Variants in C6orf58 observed in about 807,000 individuals in gnomAD.
C6orf58 encodes the protein protein LEG1 homolog.
Under a neutral mutation model 37.0 loss-of-function variants are expected in C6orf58, and 30 were observed. The observed-to-expected ratio is 0.81, with a 90% CI of 0.61 to 1.10. The LOEUF is 1.10. C6orf58 is among the 50% of genes least tolerant of loss of function. The probability of loss-of-function intolerance (pLI) is 0.00; values close to 1 mark genes in which losing one functional copy is unlikely to be tolerated. For synonymous variants in C6orf58, 143 were observed against 134.1 expected (o/e 1.07, Z -0.46); for missense variants, 368 against 387.5 (o/e 0.95, Z 0.42).
In C6orf58 at chr6:127,582,426, A is replaced by C. The variant is rs139247937; in HGVS notation, c.674+1144A>C. The stretch of plus-strand genomic sequence containing the variant: ...CAATTGGCTTGTTTGTTGATTTCTT[A>C]CAACTGAGCTTCTACCCTACCTGAT... On this transcript the variant is annotated intron_variant, in intron 4 of 5. Coordinates refer to ENST00000329722, the MANE Select transcript of C6orf58 (RefSeq NM_001010905.3). Among the ~76,000 whole-genome samples, 77 of 152,312 alleles carry C rather than the reference A, an allele frequency of 5.1e-4. No individual in the cohort carries two copies. In the East Asian group the frequency reaches 0.012, roughly 24 times the overall value.
At chr6:127,578,801 A>G in intron 2 of C6orf58, 29 bp downstream of exon 2, 1 of 1,502,450 alleles carries the variant, frequency 6.7e-7, no homozygotes, top group Non-Finnish European at 9.3e-7. Flanking sequence ...CAAAATAGAT[A>G]TTAACCTTTC....
chr6:127,580,480 A>G lies in C6orf58; in HGVS notation c.573+31A>G, dbSNP rs750320447. On this transcript the variant is annotated intron_variant, in intron 3 of 5. Coordinates refer to ENST00000329722, the MANE Select transcript of C6orf58 (RefSeq NM_001010905.3). ...TTCTTTATACTCTTACGAGATAGGA[A>G]GAGAGTTTATTTTGTCATATAATTT... The G allele has an allele frequency of 4.6e-6, 7 of 1,531,088 alleles. No individual in the cohort carries two copies. The South Asian group carries it at 5.8e-5, about 13-fold the overall frequency. 94.8% of individuals were successfully genotyped at this position (1,531,088 alleles called of 1,614,324 possible).
Position 127,581,243 on chromosome 6 carries a change from C to A in C6orf58, c.635C>A (p.Thr212Asn), listed in dbSNP as rs1775046960. 3 of 1,533,938 alleles carry A rather than the reference C, an allele frequency of 2.0e-6. No homozygotes were observed. Among genetic ancestry groups the A allele is most frequent in the Non-Finnish European group, 2.6e-6 (3 of 1,136,016 alleles). Residue 212 changes from threonine (T) to asparagine (N), a missense_variant, in exon 4 of 6, where the codon ACT becomes AAT. Thr to Asn is a moderately conservative substitution (Grantham distance 65). Transcript: ENST00000329722. ...TTGAAGTACTTATGGGCTGCACACA[C>A]TTCAACCTTGGCAGATAATATCAAA... The part of the protein sequence containing the change: ...DLLKYLWAAH[T>N]STLADNIKSF...
intron 2 of C6orf58, 100 bp from the exon 3 acceptor site, chr6:127,580,165 C>G: frequency 2.5e-6 from 2 of 813,930 alleles, no homozygotes; most frequent in South Asian, 2.0e-5. Context: ...TATAATGTTT[C>G]TGGGTCTGTG....
intron 4 of C6orf58, among the ~76,000 whole-genome samples, chr6:127,585,704 T>C (rs888455957): frequency 2.6e-5 from 4 of 152,238 alleles, no homozygotes; most frequent in Non-Finnish European, 5.9e-5. Flanking sequence ...TGCATCAGTG[T>C]ACCTTTGATA....
At chr6:127,590,611 C>T (rs913888418) in intron 5 of C6orf58, among the ~76,000 whole-genome samples, 4 of 151,666 alleles carry the variant, frequency 2.6e-5, no homozygotes, top group African/African-American at 9.7e-5. Context: ...GTTCTACATA[C>T]CGATATATAT....
chr6:127,582,345 C>A (rs1775058741), intron 4 of C6orf58, among the ~76,000 whole-genome samples: 1 of 152,074 alleles, frequency 6.6e-6, no homozygotes, highest in African/African-American at 2.4e-5. Context: ...TGAATTGAAC[C>A]AACATAAATC....
In C6orf58 at chr6:127,580,440, C is replaced by T. The variant is rs759974482; in HGVS notation, c.564C>T (p.Thr188=). Residue 188 remains threonine (T), a synonymous_variant, in exon 3 of 6, where the codon ACC becomes ACT. Transcript: ENST00000329722. ...CTGAGACAATGAACAAGTGGAACACCTTTTACCAGGTTCCTTCTTTATACT... is the reference window on the plus strand; with the variant it reads ...CTGAGACAATGAACAAGTGGAACACTTTTTACCAGGTTCCTTCTTTATACT... ...SFPETMNKWN[T]FYQYLQSPFS... is the part of the protein sequence containing the mutation. The T allele has an allele frequency of 6.2e-7, 1 of 1,610,550 alleles. No homozygotes were observed.
intron 4 of C6orf58, among the ~76,000 whole-genome samples, chr6:127,587,569 A>G (rs948831187): frequency 5.3e-5 from 8 of 152,300 alleles, no homozygotes; most frequent in African/African-American, 1.9e-4. Context: ...GTCAAGGTCT[A>G]TGAATTCATA....
intron 2 of C6orf58, among the ~76,000 whole-genome samples, chr6:127,579,435 T>C (rs1001187053): frequency 4.6e-5 from 7 of 152,120 alleles, no homozygotes; most frequent in African/African-American, 1.7e-4. Flanking sequence ...TTACTACCCC[T>C]AGTTCTTTTA....
At chr6:127,582,252 A>G (rs912086899) in intron 4 of C6orf58, among the ~76,000 whole-genome samples, 2 of 152,124 alleles carry the variant, frequency 1.3e-5, no homozygotes, top group Non-Finnish European at 2.9e-5. Flanking sequence ...AGGATTTAAG[A>G]CTCTGGGGAG....
At chr6:127,577,747 C>G (rs564783584) in intron 1 of C6orf58, among the ~76,000 whole-genome samples, 7 of 152,092 alleles carry the variant, frequency 4.6e-5, no homozygotes, top group Non-Finnish European at 8.8e-5. Context: ...CACATCTCAT[C>G]TATTGAGCAT....
At chr6:127,579,026 T>C (rs976712018) in intron 2 of C6orf58, among the ~76,000 whole-genome samples, 2 of 152,134 alleles carry the variant, frequency 1.3e-5, no homozygotes. Flanking sequence ...AGCAGTGGCC[T>C]CTGAGGGGCC....
At chr6:127,589,147 T>G (rs927125108) in intron 4 of C6orf58, among the ~76,000 whole-genome samples, 8 of 152,170 alleles carry the variant, frequency 5.3e-5, no homozygotes, top group Non-Finnish European at 1.2e-4. Context: ...GACATGATAA[T>G]AGAATATAAC....
intron 3 of C6orf58, among the ~76,000 whole-genome samples, chr6:127,580,863 A>G (rs1368012438): frequency 6.6e-6 from 1 of 152,102 alleles, no homozygotes; most frequent in Non-Finnish European, 1.5e-5. Context: ...TTAAGAAGAT[A>G]TTTTTGTTAC....
At chr6:127,579,981 T>G (rs1257283763) in intron 2 of C6orf58, among the ~76,000 whole-genome samples, 6 of 152,042 alleles carry the variant, frequency 3.9e-5, no homozygotes, top group Non-Finnish European at 8.8e-5. Context: ...TTTGAAAAAA[T>G]GAATATTATG....
At chr6:127,585,785 A>C (rs1229055203) in intron 4 of C6orf58, among the ~76,000 whole-genome samples, 1 of 151,948 alleles carries the variant, frequency 6.6e-6, no homozygotes, top group African/African-American at 2.4e-5. Flanking sequence ...TCAACACAAA[A>C]TTTTTTTTCA....
At chr6:127,589,736 G>T (rs992986591) in intron 4 of C6orf58, among the ~76,000 whole-genome samples, 10 of 152,066 alleles carry the variant, frequency 6.6e-5, no homozygotes, top group Non-Finnish European at 1.2e-4. Context: ...CAAAAATTTT[G>T]CTTTAGACCT....
intron 4 of C6orf58, among the ~76,000 whole-genome samples, chr6:127,587,411 T>G (rs1433924730): frequency 6.6e-6 from 1 of 152,220 alleles, no homozygotes; most frequent in Non-Finnish European, 1.5e-5. Flanking sequence ...ACTGAAAGTT[T>G]AATAATAGTT....
Sources: allele counts gnomAD v4.1 joint callset (sites outside exome capture counted in the v4.1 genomes callset), GRCh38; gene constraint gnomAD v4.1.1; transcripts MANE v1.5; gene names NCBI Gene and HGNC (gene_info 2026-07-23, HGNC 2026-07-21).